Variants in MGAT3 observed in about 807,000 individuals in gnomAD.
The protein encoded by MGAT3 is beta-1,4-mannosyl-glycoprotein 4-beta-N-acetylglucosaminyltransferase.
In MGAT3, 9 loss-of-function variants were observed where a neutral mutation model predicts 29.8. The ratio of observed to expected loss-of-function variants is 0.30; its 90% CI spans 0.18 to 0.53. The LOEUF (loss-of-function observed/expected upper bound fraction) is 0.53. MGAT3 is among the 20% of genes least tolerant of loss of function. MGAT3 has a pLI of 0.96. For missense variants in MGAT3, 557 were observed against 769.5 expected (o/e 0.72, Z 3.27); for synonymous variants, 397 against 348.9 (o/e 1.14, Z -1.54).
At chr22:39,481,796 G>A (rs929405642) in intron 1 of MGAT3, among the ~76,000 whole-genome samples, 3 of 152,170 alleles carry the variant, frequency 2.0e-5, no homozygotes, top group Admixed American at 6.5e-5. Context: ...CTGTGCAAGC[G>A]ACATCATCTC....
intron 1 of MGAT3, among the ~76,000 whole-genome samples, chr22:39,478,719 C>T (rs1929040612): frequency 6.6e-6 from 1 of 152,234 alleles, no homozygotes; most frequent in South Asian, 2.1e-4. Flanking sequence ...AGCCAGTGGC[C>T]TCCAGAGAGC....
chr22:39,462,185 C>A (rs1928517827), intron 1 of MGAT3, among the ~76,000 whole-genome samples: 1 of 151,990 alleles, frequency 6.6e-6, no homozygotes, highest in African/African-American at 2.4e-5. Flanking sequence ...AGGCCTGAGC[C>A]ACCACACCCA....
intron 1 of MGAT3, among the ~76,000 whole-genome samples, chr22:39,470,110 C>G (rs533341836): frequency 4.6e-5 from 7 of 152,188 alleles, no homozygotes; most frequent in Admixed American, 4.6e-4. Flanking sequence ...CAGTGGCGAC[C>G]GAGGCCTGTG....
Position 39,487,405 on chromosome 22 carries a change from A to G in MGAT3, c.58A>G (p.Ile20Val). Reference sequence around the variant, plus strand: ...GTTCTGTATGGCCGGCCTGTGCCTCATCTCCTTCCTGCACTTCTTCAAGAC... The same window carrying G: ...GTTCTGTATGGCCGGCCTGTGCCTCGTCTCCTTCCTGCACTTCTTCAAGAC... ...LMFCMAGLCL[I>V]SFLHFFKTLS... Residue 20 changes from isoleucine to valine, a missense_variant, in exon 2 of 2, where the codon ATC becomes GTC. Coordinates refer to ENST00000341184, the MANE Select transcript of MGAT3 (RefSeq NM_002409.5). The surrounding 1 kb of genome is among the most constrained non-coding windows in gnomAD (Gnocchi z 5.7). 1 of 1,609,556 alleles carries G rather than the reference A, an allele frequency of 6.2e-7. No homozygotes were observed. Among genetic ancestry groups the G allele is most frequent in the Non-Finnish European group, 8.5e-7 (1 of 1,178,422 alleles).
chr22:39,457,600 A>G lies in MGAT3; in HGVS notation c.-2+43A>G, dbSNP rs948392271. On this transcript the variant is annotated intron_variant, in intron 1 of 1. Transcript: ENST00000341184. The surrounding 1 kb of genome is among the most constrained non-coding windows in gnomAD (Gnocchi z 6.8). ...TCCTGGGGGGCGCCGCGGCCCCTCT[A>G]TCCCCGCGCTGCCCGCCCTCCCGCG... 3 of 147,604 alleles carry G rather than the reference A, an allele frequency of 2.0e-5. No homozygotes were observed. Among genetic ancestry groups the G allele is most frequent in the Non-Finnish European group, 3.0e-5 (2 of 66,424 alleles). 9.1% of individuals were successfully genotyped at this position (147,604 alleles called of 1,614,324 possible).
chr22:39,479,784 T>C (rs1336848469), intron 1 of MGAT3, among the ~76,000 whole-genome samples: 1 of 151,808 alleles, frequency 6.6e-6, no homozygotes, highest in African/African-American at 2.4e-5. Flanking sequence ...AACTGGGGAG[T>C]CCGAGCACAT....
At chr22:39,484,294 A>G (rs1298060502) in intron 1 of MGAT3, among the ~76,000 whole-genome samples, 1 of 152,230 alleles carries the variant, frequency 6.6e-6, no homozygotes, top group African/African-American at 2.4e-5. Flanking sequence ...AGCATGCTGC[A>G]TGCCAGGAAC....
intron 1 of MGAT3, among the ~76,000 whole-genome samples, chr22:39,467,454 G>T (rs1295148105): frequency 1.3e-5 from 2 of 152,140 alleles, no homozygotes; most frequent in African/African-American, 4.8e-5. Flanking sequence ...AGTGCAGGCA[G>T]CCCCATCTCT....
At chr22:39,482,932 A>G (rs1175936920) in intron 1 of MGAT3, among the ~76,000 whole-genome samples, 2 of 152,250 alleles carry the variant, frequency 1.3e-5, no homozygotes, top group Non-Finnish European at 2.9e-5. Flanking sequence ...AGAAGGGCAC[A>G]GCTGGCTATG....
chr22:39,488,056 G>T lies in MGAT3; in HGVS notation c.709G>T (p.Val237Leu). The change falls in exon 2 of 2, where the codon GTG becomes TTG. Residue 237 changes from valine (V) to leucine (L), a missense_variant. By Grantham distance (32) the Val-to-Leu change is conservative. Around this residue, in one of 3 missense-constraint regions of MGAT3, gnomAD observed 243 missense variants for 444.0 expected, o/e 0.55. Coordinates refer to ENST00000341184, the MANE Select transcript of MGAT3 (RefSeq NM_002409.5). Reference sequence around the variant, plus strand: ...GGGCGACGTGGTGGACGCCTTTGTGGTGTGCGAGTCCAACTTCACGGCTTA... The same window carrying T: ...GGGCGACGTGGTGGACGCCTTTGTGTTGTGCGAGTCCAACTTCACGGCTTA... ...ELGDVVDAFVVCESNFTAYGE... is the reference protein window; with the variant it reads ...ELGDVVDAFVLCESNFTAYGE... 6.2e-7 allele frequency: 1 copy of T among 1,612,996 alleles called. No homozygotes were observed. Among genetic ancestry groups the T allele is most frequent in the South Asian group, 1.1e-5 (1 of 91,070 alleles).
chr22:39,475,843 T>C (rs1721813980), intron 1 of MGAT3: 1 of 152,216 alleles, frequency 6.6e-6, no homozygotes, highest in South Asian at 2.1e-4. Context: ...CTGGGTATGG[T>C]GGTGTGAGAC....
rs1307196062 is a variant in MGAT3 at position 39,488,894 on chromosome 22, G to T, written c.1547G>T (p.Arg516Met). The T allele has an allele frequency of 2.5e-6, 4 of 1,600,232 alleles. No individual in the cohort carries two copies. In the African/African-American group the frequency reaches 5.4e-5, roughly 21 times the overall value. ...ACGGCGGCGGGCGGGTGGCGCCACA[G>T]GGGTCCCGAGGGAAGGCCGCCCGCC... is the stretch of plus-strand genomic sequence containing the variant. ...RSTAAGGWRH[R>M]GPEGRPPARG... Residue 516 changes from arginine (R) to methionine (M), a missense_variant, in exon 2 of 2, where the codon AGG becomes ATG. Transcript: ENST00000341184.
At chr22:39,473,395 G>C (rs556951614) in intron 1 of MGAT3, among the ~76,000 whole-genome samples, 3 of 152,254 alleles carry the variant, frequency 2.0e-5, no homozygotes, top group Non-Finnish European at 2.9e-5. Flanking sequence ...TCAGGAACAC[G>C]ATAACTAACC....
At chr22:39,478,927 C>G (rs1344548002) in intron 1 of MGAT3, among the ~76,000 whole-genome samples, 1 of 152,336 alleles carries the variant, frequency 6.6e-6, no homozygotes, top group East Asian at 1.9e-4. Flanking sequence ...CAGCTCAGAC[C>G]CTCCAGGCCA....
chr22:39,473,775 G>A (rs140037496), intron 1 of MGAT3, among the ~76,000 whole-genome samples: 151 of 151,386 alleles, frequency 1.0e-3, no homozygotes, highest in Middle Eastern at 6.8e-3. Context: ...TCCAAGTTCC[G>A]GGTGATCGGG....
At chr22:39,481,849 G>C (rs1274931501) in intron 1 of MGAT3, among the ~76,000 whole-genome samples, 3 of 152,216 alleles carry the variant, frequency 2.0e-5, no homozygotes, top group Non-Finnish European at 4.4e-5. Flanking sequence ...GCTTCGTGTT[G>C]GGAGGATTCA....
chr22:39,475,134 T>A (rs1928919095), intron 1 of MGAT3, among the ~76,000 whole-genome samples: 1 of 149,936 alleles, frequency 6.7e-6, no homozygotes, highest in African/African-American at 2.5e-5. Flanking sequence ...CAGGCTTTTT[T>A]TTTTTTTTTT....
chr22:39,457,611 G>GC lies in MGAT3; in HGVS notation c.-2+57dup, dbSNP rs906856415. On this transcript the variant is annotated intron_variant, in intron 1 of 1. Coordinates refer to ENST00000341184, the MANE Select transcript of MGAT3 (RefSeq NM_002409.5). The surrounding 1 kb of genome is among the most constrained non-coding windows in gnomAD (Gnocchi z 6.8). ...GCCGCGGCCCCTCTATCCCCGCGCT[G>GC]CCCGCCCTCCCGCGCTGCGCTTGGC... The GC allele has an allele frequency of 6.7e-6, 1 of 149,766 alleles. No homozygotes were observed. Among genetic ancestry groups the GC allele is most frequent in the African/African-American group, 2.4e-5 (1 of 41,082 alleles). 9.3% of individuals were successfully genotyped at this position (149,766 alleles called of 1,614,324 possible). A position where few individuals can be genotyped will look rare whatever the true frequency, so the allele number is the denominator to read the frequency against.
At chr22:39,484,384 G>A (rs141133732) in intron 1 of MGAT3, among the ~76,000 whole-genome samples, 5 of 151,886 alleles carry the variant, frequency 3.3e-5, no homozygotes, top group Non-Finnish European at 5.9e-5. Context: ...TTTGTTTGTT[G>A]TTTTTTGAGA....
Sources: allele counts gnomAD v4.1 joint callset (sites outside exome capture counted in the v4.1 genomes callset), GRCh38; gene constraint gnomAD v4.1.1; regional missense constraint gnomAD v4.1.1; non-coding constraint Gnocchi (gnomAD v3.1); transcripts MANE v1.5; gene names NCBI Gene and HGNC (gene_info 2026-07-23, HGNC 2026-07-21).